The following VASH2 variants were observed in gnomAD, a reference collection of about 807,000 sequenced individuals.
VASH2 encodes the protein tubulinyl-Tyr carboxypeptidase 2.
VASH2 carries 28 observed loss-of-function variants against 37.2 expected under a neutral mutation model. The observed-to-expected ratio is 0.75, with a 90% CI of 0.56 to 1.03. The LOEUF (loss-of-function observed/expected upper bound fraction) is 1.03. VASH2 is among the 50% of genes least tolerant of loss of function. VASH2 has a pLI of 0.00. For synonymous variants in VASH2, 188 were observed against 174.7 expected (o/e 1.08, Z -0.60); for missense variants, 419 against 459.1 (o/e 0.91, Z 0.80).
In VASH2 at chr1:212,978,749, C is replaced by T. The variant is rs531757436; in HGVS notation, c.995+4679C>T. On this transcript the variant is annotated intron_variant, in intron 7 of 7. Coordinates refer to ENST00000517399, the MANE Select transcript of VASH2 (RefSeq NM_001301056.2). ...CCGAGTGGCCTTGGAACGGTTTGAC[C>T]ATCCACAGAGCCCAGTTGGCTTGTA... 3.9e-5 allele frequency among the ~76,000 whole-genome samples: 6 copies of T among 152,240 alleles called. No homozygotes were observed. The South Asian group carries it at 1.0e-3, about 26-fold the overall frequency.
intron 7 of VASH2, among the ~76,000 whole-genome samples, chr1:212,978,491 GCC>G (rs1301459506): frequency 1.3e-5 from 2 of 152,186 alleles, no homozygotes; most frequent in Non-Finnish European, 2.9e-5. Context: ...GTCGATCCCA[GCC>G]CCAGTGGGGA....
intron 5 of VASH2, among the ~76,000 whole-genome samples, chr1:212,972,024 C>T (rs1365790767): frequency 1.3e-5 from 2 of 152,204 alleles, no homozygotes; most frequent in Non-Finnish European, 2.9e-5. Context: ...TGATCCCAGG[C>T]TTGGTGCTGC....
At chr1:212,983,779 G>C (rs1300558977) in intron 7 of VASH2, among the ~76,000 whole-genome samples, 2 of 152,230 alleles carry the variant, frequency 1.3e-5, no homozygotes, top group Admixed American at 6.5e-5. Context: ...CATAAGCCAA[G>C]GTGCAGAGGC....
chr1:212,962,230 G>A (rs1395855931), intron 3 of VASH2, among the ~76,000 whole-genome samples: 1 of 152,196 alleles, frequency 6.6e-6, no homozygotes, highest in Non-Finnish European at 1.5e-5. Context: ...GAACTCCCAC[G>A]AGCAATGCTG....
chr1:212,961,246 G>A lies in VASH2; in HGVS notation c.357G>A (p.Lys119=). 3 of 1,614,210 alleles carry A rather than the reference G, an allele frequency of 1.9e-6. No homozygotes were observed. The highest frequency in any genetic ancestry group is 2.5e-6 in the Non-Finnish European group (3 of 1,180,038). ...TCCAGGCGATCCAGAATTACATGAA[G>A]ACCCTACAGTATCCTTCCAACCAAG... The part of the protein sequence containing the change: ...DWLQAIQNYM[K]TLQYNHTGTQ... The change falls in exon 3 of 8, where the codon AAG becomes AAA. Residue 119 remains lysine, a synonymous_variant. Coordinates refer to ENST00000517399, the MANE Select transcript of VASH2 (RefSeq NM_001301056.2).
At position 212,956,095 on chromosome 1, in the gene VASH2, G is replaced by A. The variant is rs10399608; in HGVS notation, c.276+4277G>A. ...CTTGTTAAAGATTCCTAGTGCCTGG[G>A]GTTCTTGCTGCCTCTCTGGTTCCTT... On this transcript the variant is annotated intron_variant, in intron 2 of 7. Coordinates refer to ENST00000517399, the MANE Select transcript of VASH2 (RefSeq NM_001301056.2). Among the ~76,000 whole-genome samples, 77 of 152,320 alleles carry A rather than the reference G, an allele frequency of 5.1e-4. 1 individual carries two copies. In the East Asian group the frequency reaches 0.013, roughly 27 times the overall value.
At chr1:212,980,052 A>G (rs1311732733) in intron 7 of VASH2, among the ~76,000 whole-genome samples, 1 of 152,112 alleles carries the variant, frequency 6.6e-6, no homozygotes, top group Non-Finnish European at 1.5e-5. Flanking sequence ...GTAAGTGAGG[A>G]GGCTCCTTGC....
At chr1:212,968,939 C>G (rs2102639202) in intron 5 of VASH2, 1 of 985,416 alleles carries the variant, frequency 1.0e-6, no homozygotes. Context: ...ATAGTCTCAT[C>G]CCTGCACAAT....
chr1:212,986,823 TG>T (rs1172959488), intron 7 of VASH2, among the ~76,000 whole-genome samples: 2 of 152,126 alleles, frequency 1.3e-5, no homozygotes, highest in African/African-American at 4.8e-5. Context: ...CCAGTCGCTA[TG>T]GGGAGAGACA....
chr1:212,985,336 C>G (rs1460698440), intron 7 of VASH2, among the ~76,000 whole-genome samples: 2 of 151,484 alleles, frequency 1.3e-5, no homozygotes, highest in Non-Finnish European at 2.9e-5. Flanking sequence ...CCAGCGCACC[C>G]AGCCATGATT....
At chr1:212,965,846 C>T in intron 4 of VASH2, 68 bp downstream of exon 4, 1 of 1,431,048 alleles carries the variant, frequency 7.0e-7, no homozygotes, top group Non-Finnish European at 9.6e-7. Context: ...CTTCCTCTCC[C>T]AACCTCTATT....
At chr1:212,962,843 G>A (rs1033208656) in intron 3 of VASH2, among the ~76,000 whole-genome samples, 1 of 152,186 alleles carries the variant, frequency 6.6e-6, no homozygotes, top group Non-Finnish European at 1.5e-5. Flanking sequence ...CCTGCATGGG[G>A]AGTTCCACAT....
Position 212,972,662 on chromosome 1 carries a change from G to C in VASH2, c.580G>C (p.Val194Leu). The C allele has an allele frequency of 6.2e-7, 1 of 1,614,212 alleles. No individual in the cohort carries two copies. The highest frequency in any genetic ancestry group is 8.5e-7 in the Non-Finnish European group (1 of 1,180,042). The change falls in exon 6 of 8, where the codon GTT becomes CTT. Residue 194 changes from valine (V) to leucine (L), a missense_variant. Physicochemically the swap from Val to Leu is conservative, Grantham distance 32. Coordinates refer to ENST00000517399, the MANE Select transcript of VASH2 (RefSeq NM_001301056.2). ...CTTCTCAGGAAACTACTTTCACCACGTTGTGCTGGGGATTTACTGCAATGG... is the reference window on the plus strand; with the variant it reads ...CTTCTCAGGAAACTACTTTCACCACCTTGTGCTGGGGATTTACTGCAATGG... The part of the protein sequence containing the change: ...TYFSGNYFHH[V>L]VLGIYCNGRY...
chr1:212,975,135 T>C (rs1320864619), intron 7 of VASH2, among the ~76,000 whole-genome samples: 2 of 151,436 alleles, frequency 1.3e-5, no homozygotes, highest in Non-Finnish European at 2.9e-5. Flanking sequence ...GTAAGTTCTG[T>C]AGCTGGTCAG....
At position 212,973,581 on chromosome 1, in the gene VASH2, G is replaced by A. The variant is rs376401566; in HGVS notation, c.880-374G>A. ...ATATGTGTGGGATGGGAGCATCAGA[G>A]GAAGAACAGGCTGGTTTCTGAGGCA... On this transcript the variant is annotated intron_variant, in intron 6 of 7. Coordinates refer to ENST00000517399, the MANE Select transcript of VASH2 (RefSeq NM_001301056.2). The A allele has an allele frequency of 4.8e-6, 6 of 1,258,798 alleles. No homozygotes were observed. The South Asian group carries it at 8.1e-5, about 17-fold the overall frequency. 78.0% of individuals were successfully genotyped at this position (1,258,798 alleles called of 1,614,324 possible). A position where few individuals can be genotyped will look rare whatever the true frequency, so the allele number is the denominator to read the frequency against.
chr1:212,967,346 G>C, intron 5 of VASH2: 1 of 1,224,186 alleles, frequency 8.2e-7, no homozygotes, highest in Non-Finnish European at 1.0e-6. Context: ...TGTGGGGATA[G>C]ACCCAGGAAC....
Position 212,951,479 on chromosome 1 carries a change from CG to C in VASH2, c.-63del. The C allele has an allele frequency of 1.0e-6, 1 of 959,552 alleles. No homozygotes were observed. 59.4% of individuals were successfully genotyped at this position (959,552 alleles called of 1,614,324 possible). ...GCCGCGCCCGCGCGCACACGCCCCC[CG>C]CCGCCGCCGCCGCTGCCGCCGCCGC... On this transcript the variant is annotated 5_prime_UTR_variant, in exon 2 of 8. Transcript: ENST00000517399. The surrounding 1 kb of genome is among the most constrained non-coding windows in gnomAD (Gnocchi z 4.4).
At chr1:212,969,059 G>GT in intron 5 of VASH2, 1 of 985,456 alleles carries the variant, frequency 1.0e-6, no homozygotes. Context: ...CAGTGTGCTC[G>GT]TGGTTTTCCT....
intron 3 of VASH2, among the ~76,000 whole-genome samples, chr1:212,965,234 G>A (rs1479914460): frequency 1.3e-5 from 2 of 152,162 alleles, no homozygotes; most frequent in East Asian, 3.9e-4. Flanking sequence ...GGTTTTATGG[G>A]TGATATAAAG....
Sources: gnomAD v4.1 joint callset for allele counts (sites outside exome capture counted in the v4.1 genomes callset) on GRCh38, gnomAD v4.1.1 for gene constraint, Gnocchi (gnomAD v3.1) non-coding constraint, MANE v1.5 for transcripts, NCBI Gene and HGNC (gene_info 2026-07-23, HGNC 2026-07-21) for gene names.